The following VWA7 variants were observed in gnomAD, a reference collection of about 807,000 sequenced individuals.
VWA7 encodes von Willebrand factor A domain-containing protein 7.
VWA7 carries 66 observed loss-of-function variants against 83.1 expected under a neutral mutation model. The observed-to-expected ratio is 0.79, with a 90% CI of 0.65 to 0.98. VWA7 has a LOEUF of 0.98. VWA7 is among the 50% of genes least tolerant of loss of function. The pLI is 0.00. For synonymous variants in VWA7, 424 were observed against 488.5 expected (o/e 0.87, Z 1.74); for missense variants, 1,080 against 1,160.2 (o/e 0.93, Z 1.00).
In VWA7 at chr6:31,773,328, G is replaced by T; in HGVS notation, c.831C>A (p.His277Gln). 6.2e-7 allele frequency: 1 copy of T among 1,608,832 alleles called. No homozygotes were observed. Among genetic ancestry groups the T allele is most frequent in the Admixed American group, 1.7e-5 (1 of 58,990 alleles). ...SPGFSPHHMLHLQAAKLALLA... is the reference protein window; with the variant it reads ...SPGFSPHHMLQLQAAKLALLA... Reference sequence around the variant, plus strand: ...GAAGGGCCAGTTTTGCAGCCTGGAGGTGCAGCATGTGGTGAGGGGAGAAGC... The same window carrying T: ...GAAGGGCCAGTTTTGCAGCCTGGAGTTGCAGCATGTGGTGAGGGGAGAAGC... The change falls in exon 6 of 17, where the codon CAC becomes CAA. Residue 277 changes from histidine (H) to glutamine (Q), a missense_variant. His to Gln is a conservative substitution (Grantham distance 24). Coordinates refer to ENST00000375688, the MANE Select transcript of VWA7 (RefSeq NM_025258.3). The surrounding 1 kb of genome is among the most constrained non-coding windows in gnomAD (Gnocchi z 5.3).
rs375469825 is a variant in VWA7, at chr6:31,777,151, G to A, written c.-58C>T. ...TGGGCAGGGCTGGCCCGGGCTTGAC[G>A]TCACAGGGCACTTAGGTCAGAGTTA... On this transcript the variant is annotated 5_prime_UTR_variant, in exon 1 of 17. In the 5' UTR this introduces an upstream ATG that the reference lacks. Transcript: ENST00000375688. The surrounding 1 kb of genome is among the most constrained non-coding windows in gnomAD (Gnocchi z 5.8). 32 of 354,532 alleles carry A rather than the reference G, an allele frequency of 9.0e-5. No individual in the cohort carries two copies. The highest frequency in any genetic ancestry group is 6.3e-4 in the African/African-American group (30 of 47,976). The allele number at this position is 354,532 out of a possible 1,614,324, so 22.0% of individuals were successfully genotyped here. A position where few individuals can be genotyped will look rare whatever the true frequency, so the allele number is the denominator to read the frequency against.
rs562559508 is a variant in VWA7 at position 31,775,858 on chromosome 6, C to T, written c.513+106G>A. On this transcript the variant is annotated intron_variant, in intron 3 of 16. Transcript: ENST00000375688. The surrounding 1 kb of genome is among the most constrained non-coding windows in gnomAD (Gnocchi z 5.9). ...CACCGCGTGCCAGTGCCCACCCCTT[C>T]CAGAGTGGAGGAGACATGATCAAGA... 162 of 1,492,880 alleles carry T rather than the reference C, an allele frequency of 1.1e-4. No individual in the cohort carries two copies. The highest frequency in any genetic ancestry group is 9.3e-5 in the South Asian group (7 of 74,954). 92.5% of individuals were successfully genotyped at this position (1,492,880 alleles called of 1,614,324 possible).
In VWA7 at chr6:31,767,713, C is replaced by T. The variant is rs145825870; in HGVS notation, c.1545G>A (p.Gln515=). ...PLDPPVVVPG[Q]PLVFSVDGLL... ...GCCCATCCACGCTGAACACAAGTGG[C>T]TGCCCAGGCACCACAACAGGAGGGT... Residue 515 remains glutamine, a synonymous_variant, in exon 11 of 17, where the codon CAG becomes CAA. Coordinates refer to ENST00000375688, the MANE Select transcript of VWA7 (RefSeq NM_025258.3). 2 of 1,612,846 alleles carry T rather than the reference C, an allele frequency of 1.2e-6. No homozygotes were observed. The highest frequency in any genetic ancestry group is 2.7e-5 in the African/African-American group (2 of 74,906).
Position 31,766,467 on chromosome 6 carries a change from A to G in VWA7, c.2180T>C (p.Leu727Pro). The G allele has an allele frequency of 1.3e-6, 2 of 1,594,040 alleles. No homozygotes were observed. The highest frequency in any genetic ancestry group is 1.7e-6 in the Non-Finnish European group (2 of 1,169,434). The change falls in exon 14 of 17, where the codon CTG becomes CCG. Residue 727 changes from leucine (L) to proline (P), a missense_variant. Coordinates refer to ENST00000375688, the MANE Select transcript of VWA7 (RefSeq NM_025258.3). The surrounding 1 kb of genome is among the most constrained non-coding windows in gnomAD (Gnocchi z 4.9). ...CACTTTCCCCTGGCGTCTCACCTCC[A>G]GAAGGACAGGGACTACAGTGCTAGG... is the stretch of plus-strand genomic sequence containing the variant. ...PQPSTVVPVL[L>P]ELSGPSGFLA... is the part of the protein sequence containing the mutation.
rs958847273 is a variant in VWA7, at chr6:31,777,039, C to G, written c.-16+70G>C. On this transcript the variant is annotated intron_variant, in intron 1 of 16. Coordinates refer to ENST00000375688, the MANE Select transcript of VWA7 (RefSeq NM_025258.3). This position sits in a 1 kb window ranked among gnomAD's most constrained non-coding sequence, Gnocchi z 5.8. ...CGCCCCCCTCCCCAGTCCCTGGCTG[C>G]GTCCCCAGCCCTGCCGCAGAAACAC... is the stretch of plus-strand genomic sequence containing the variant. 1 of 412,012 alleles carries G rather than the reference C, an allele frequency of 2.4e-6. No individual in the cohort carries two copies. The highest frequency in any genetic ancestry group is 2.1e-5 in the African/African-American group (1 of 48,766). 25.5% of individuals were successfully genotyped at this position (412,012 alleles called of 1,614,324 possible). A position where few individuals can be genotyped will look rare whatever the true frequency, so the allele number is the denominator to read the frequency against.
At position 31,766,686 on chromosome 6, in the gene VWA7, G is replaced by A; in HGVS notation, c.1961C>T (p.Ser654Phe). Residue 654 changes from serine to phenylalanine, a missense_variant, in exon 14 of 17, where the codon TCC becomes TTC. Physicochemically the swap from Ser to Phe is radical, Grantham distance 155. Transcript: ENST00000375688. The surrounding 1 kb of genome is among the most constrained non-coding windows in gnomAD (Gnocchi z 4.9). ...TGGGACCCCTCGAAGGATGACGTGG[G>A]AGAAATGCGGCTGAGGATCCCCAGG... Reference protein sequence around the residue: ...ANPGDPQPHFSHVILRGVPEG... With the variant: ...ANPGDPQPHFFHVILRGVPEG... 1.9e-6 allele frequency: 3 copies of A among 1,612,746 alleles called. No individual in the cohort carries two copies. The highest frequency in any genetic ancestry group is 2.5e-6 in the Non-Finnish European group (3 of 1,179,748).
At chr6:31,772,311 A>G (rs1378412952) in intron 7 of VWA7, among the ~76,000 whole-genome samples, 2 of 151,732 alleles carry the variant, frequency 1.3e-5, no homozygotes, top group African/African-American at 2.4e-5. Flanking sequence ...ACACCCACAC[A>G]TAATTTTTAT....
At position 31,775,351 on chromosome 6, in the gene VWA7, G is replaced by A. The variant is rs1265846385; in HGVS notation, c.592C>T (p.Leu198Phe). The change falls in exon 4 of 17, where the codon CTC becomes TTC. Residue 198 changes from leucine to phenylalanine, a missense_variant. Physicochemically the swap from Leu to Phe is conservative, Grantham distance 22 (BLOSUM62 0). Transcript: ENST00000375688. This position sits in a 1 kb window ranked among gnomAD's most constrained non-coding sequence, Gnocchi z 5.9. Reference protein sequence around the residue: ...HPHLLWPRQELQNLAQVADPT... With the variant: ...HPHLLWPRQEFQNLAQVADPT... Reference sequence around the variant, plus strand: ...GCCATACCTTGTGCCAGGTTCTGGAGCTCCTGCCTTGGCCAGAGGAGGTGA... The same window carrying A: ...GCCATACCTTGTGCCAGGTTCTGGAACTCCTGCCTTGGCCAGAGGAGGTGA... The A allele has an allele frequency of 1.9e-6, 3 of 1,612,304 alleles. No homozygotes were observed. The East Asian group carries it at 6.7e-5, about 36-fold the overall frequency.
At position 31,775,222 on chromosome 6, in the gene VWA7, T is replaced by C. The variant is rs983382995; in HGVS notation, c.610+111A>G. ...TTGGACTGGGGGACCTCAGTCCTTG[T>C]GGAGATTAAGTAACATCATACCCTC... On this transcript the variant is annotated intron_variant, in intron 4 of 16. Coordinates refer to ENST00000375688, the MANE Select transcript of VWA7 (RefSeq NM_025258.3). This position sits in a 1 kb window ranked among gnomAD's most constrained non-coding sequence, Gnocchi z 5.9. The C allele has an allele frequency of 4.3e-6, 4 of 933,810 alleles. No individual in the cohort carries two copies. The highest frequency in any genetic ancestry group is 6.3e-6 in the Non-Finnish European group (4 of 639,650). 57.8% of individuals were successfully genotyped at this position (933,810 alleles called of 1,614,324 possible). A position where few individuals can be genotyped will look rare whatever the true frequency, so the allele number is the denominator to read the frequency against.
Position 31,766,197 on chromosome 6 carries a change from T to C in VWA7, c.2324+48A>G. 1 of 1,605,356 alleles carries C rather than the reference T, an allele frequency of 6.2e-7. No homozygotes were observed. The highest frequency in any genetic ancestry group is 8.5e-7 in the Non-Finnish European group (1 of 1,175,938). On this transcript the variant is annotated intron_variant, in intron 15 of 16. Coordinates refer to ENST00000375688, the MANE Select transcript of VWA7 (RefSeq NM_025258.3). The surrounding 1 kb of genome is among the most constrained non-coding windows in gnomAD (Gnocchi z 4.9). ...ACAGGGGCAGGGCTTGGGATAAGCA[T>C]TGGCCGGGCAAGATGCCAGAGGGAG... is the stretch of plus-strand genomic sequence containing the variant.
At position 31,765,888 on chromosome 6, in the gene VWA7, G is replaced by C. The variant is rs1179973857; in HGVS notation, c.2494C>G (p.Pro832Ala). The change falls in exon 16 of 17, where the codon CCG becomes GCG. Residue 832 changes from proline to alanine, a missense_variant. Pro to Ala is a conservative substitution (Grantham distance 27, BLOSUM62 -1). Coordinates refer to ENST00000375688, the MANE Select transcript of VWA7 (RefSeq NM_025258.3). ...GGAAAGTAGTGGTTCCTCACCTGCG[G>C]GGCTGGGGCCGATACCAGGAGCCGG... Reference protein sequence around the residue: ...FLRLLVSAPAPQDRHTTPTGS... With the variant: ...FLRLLVSAPAAQDRHTTPTGS... 6.2e-7 allele frequency: 1 copy of C among 1,612,988 alleles called. No individual in the cohort carries two copies. Among genetic ancestry groups the C allele is most frequent in the African/African-American group, 1.3e-5 (1 of 74,946 alleles).
rs1812558039 is a variant in VWA7, at chr6:31,775,059, G to C, written c.610+274C>G. On this transcript the variant is annotated intron_variant, in intron 4 of 16. Coordinates refer to ENST00000375688, the MANE Select transcript of VWA7 (RefSeq NM_025258.3). The surrounding 1 kb of genome is among the most constrained non-coding windows in gnomAD (Gnocchi z 5.9). ...CAGCTTCCAGGTGAGAGGGTGAGGG[G>C]GCTGTGAGAGAAGGCCCCATGGGAG... 6.6e-6 allele frequency among the ~76,000 whole-genome samples: 1 copy of C among 152,152 alleles called. No homozygotes were observed. Among genetic ancestry groups the C allele is most frequent in the Non-Finnish European group, 1.5e-5 (1 of 68,022 alleles).
rs1217262594 is a variant in VWA7, at chr6:31,766,057, C to T, written c.2325G>A (p.Arg775=). The T allele has an allele frequency of 1.9e-6, 3 of 1,612,966 alleles. No homozygotes were observed. The highest frequency in any genetic ancestry group is 1.3e-5 in the African/African-American group (1 of 75,060). Residue 775 remains arginine, a splice_region_variant and synonymous_variant, in exon 16 of 17, where the codon AGG becomes AGA. Transcript: ENST00000375688. This position sits in a 1 kb window ranked among gnomAD's most constrained non-coding sequence, Gnocchi z 4.9. ...PSFSLTSNLS[R]AHLELNESAW... is the part of the protein sequence containing the mutation. ...CCGACTCATTCAGTTCCAGGTGAGC[C>T]CTGGAGAGAGGATATAGGCGTCGCT... is the stretch of plus-strand genomic sequence containing the variant.
intron 10 of VWA7, among the ~76,000 whole-genome samples, chr6:31,768,288 G>A (rs62395823): frequency 0.029 from 4,452 of 152,232 alleles, 100 homozygotes; most frequent in Non-Finnish European, 0.045. Context: ...AGGGATTCAG[G>A]ATGAGACAAT....
rs775243084 is a variant in VWA7, at chr6:31,775,924, G to A, written c.513+40C>T. On this transcript the variant is annotated intron_variant, in intron 3 of 16. Transcript: ENST00000375688. This position sits in a 1 kb window ranked among gnomAD's most constrained non-coding sequence, Gnocchi z 5.9. ...CGCTCCATCCCGGACAGGCACGGAA[G>A]TGAAGACCCCTCTGACCATCAACCC... 2 of 1,570,648 alleles carry A rather than the reference G, an allele frequency of 1.3e-6. No homozygotes were observed. Among genetic ancestry groups the A allele is most frequent in the East Asian group, 4.5e-5 (2 of 44,440 alleles).
At position 31,775,162 on chromosome 6, in the gene VWA7, C is replaced by G. The variant is rs994433461; in HGVS notation, c.610+171G>C. 3.9e-5 allele frequency among the ~76,000 whole-genome samples: 6 copies of G among 152,102 alleles called. No individual in the cohort carries two copies. Among genetic ancestry groups the G allele is most frequent in the Non-Finnish European group, 8.8e-5 (6 of 68,018 alleles). On this transcript the variant is annotated intron_variant, in intron 4 of 16. Coordinates refer to ENST00000375688, the MANE Select transcript of VWA7 (RefSeq NM_025258.3). The surrounding 1 kb of genome is among the most constrained non-coding windows in gnomAD (Gnocchi z 5.9). ...GTCCTAGCTACTTTTCCCTGTGTGA[C>G]CTTGGGGAAGCTGCTTAACTGAGCC...
chr6:31,771,629 A>T (rs1373406586), intron 7 of VWA7: 3 of 152,218 alleles, frequency 2.0e-5, no homozygotes, highest in Non-Finnish European at 2.9e-5. Context: ...GTTATCTCAG[A>T]TGCTTCCCAG....
In VWA7 at chr6:31,776,771, G is replaced by T. The variant is rs1812724118; in HGVS notation, c.9C>A (p.Pro3=). 6 of 1,432,660 alleles carry T rather than the reference G, an allele frequency of 4.2e-6. No individual in the cohort carries two copies. Among genetic ancestry groups the T allele is most frequent in the Non-Finnish European group, 4.6e-6 (5 of 1,086,838 alleles). 88.7% of individuals were successfully genotyped at this position (1,432,660 alleles called of 1,614,324 possible). ...CCGGGTGGGATTGGGGGACCTCCGT[G>T]GGGAGCATGGCTGAGACATGGACCT... ML[P]TEVPQSHPGP... The change falls in exon 2 of 17, where the codon CCC becomes CCA. Residue 3 remains proline (P), a synonymous_variant. Transcript: ENST00000375688. This position sits in a 1 kb window ranked among gnomAD's most constrained non-coding sequence, Gnocchi z 6.2.
intron 10 of VWA7, among the ~76,000 whole-genome samples, chr6:31,768,139 CAAAAAAAAA>C (rs9279412): frequency 3.9e-5 from 3 of 77,106 alleles, no homozygotes; most frequent in African/African-American, 1.5e-4. Flanking sequence ...GACTCTGTCT[CAAAAAAAAA>C]AAAAAAAAAA....
Sources: allele counts gnomAD v4.1 joint callset (sites outside exome capture counted in the v4.1 genomes callset), GRCh38; gene constraint gnomAD v4.1.1; non-coding constraint Gnocchi (gnomAD v3.1); transcripts MANE v1.5; gene names NCBI Gene and HGNC (gene_info 2026-07-23, HGNC 2026-07-21).